F8: variants seen among roughly 807,000 people sequenced by gnomAD.
F8 encodes antihemophilic factor.
In F8, 12 loss-of-function variants were observed where a neutral mutation model predicts 140.6. That is an observed-to-expected ratio of 0.09 (90% CI 0.05 to 0.14). The LOEUF (loss-of-function observed/expected upper bound fraction) is 0.14. Among genes scored for constraint, F8 ranks in the 10% least tolerant of loss-of-function variants. F8 has a pLI of 1.00. For synonymous variants in F8, 585 were observed against 614.6 expected, an observed-to-expected ratio of 0.95 and a Z score of 0.71; for missense variants, 1,354 against 1,720.7, an observed-to-expected ratio of 0.79 and a Z score of 3.77.
intron 14 of F8, among the ~76,000 whole-genome samples, chrX:154,907,588 A>G (rs2073044854): frequency 8.9e-6 from 1 of 112,008 alleles, no homozygotes; most frequent in African/African-American, 3.2e-5. Flanking sequence ...ATTATTACAA[A>G]TATCTGGTAT....
chrX:154,848,146 A>G (rs1457067382), intron 25 of F8, among the ~76,000 whole-genome samples: 3 of 112,614 alleles, frequency 2.7e-5, no homozygotes, highest in Admixed American at 1.9e-4. Context: ...TTCCTCTGGA[A>G]GCTTGGTCTC....
chrX:155,005,907 C>T (rs1157534203), intron 1 of F8, among the ~76,000 whole-genome samples: 2 of 111,607 alleles, frequency 1.8e-5, no homozygotes, highest in Non-Finnish European at 3.8e-5. Flanking sequence ...GTGGGACTGA[C>T]CTTTATTCAG....
At chrX:154,841,720 A>G (rs782244425) in intron 25 of F8, among the ~76,000 whole-genome samples, 1 of 111,287 alleles carries the variant, frequency 9.0e-6, no homozygotes, top group East Asian at 2.8e-4. Flanking sequence ...GCCAATATGT[A>G]TAATCCTTCA....
chrX:154,904,318 A>T lies in F8; in HGVS notation c.5793T>A (p.Phe1931Leu), dbSNP rs868969692. The change falls in exon 17 of 26, where the codon TTT (phenylalanine) becomes TTA (leucine). Residue 1931 changes from phenylalanine to leucine, a missense_variant. Phe to Leu is a conservative substitution (Grantham distance 22). Around this residue, in one of 4 missense-constraint regions of F8, gnomAD observed 316 missense variants for 485.4 expected, o/e 0.65. Coordinates refer to ENST00000360256, the MANE Select transcript of F8 (RefSeq NM_000132.4). ...TACCATGGAAGCGATAATTCTCTTT[A>T]AAAGTGGGATCTTCCATCTGGATAT... ...PCNIQMEDPTFKENYRFHAIN... is the reference protein window; with the variant it reads ...PCNIQMEDPTLKENYRFHAIN... 5 of 1,207,703 alleles carry T rather than the reference A, an allele frequency of 4.1e-6. No homozygotes were observed. Among genetic ancestry groups the T allele is most frequent in the Non-Finnish European group, 5.6e-6 (5 of 892,795 alleles).
At position 154,927,769 on chromosome X, in the gene F8, G is replaced by T. The variant is rs2073168365; in HGVS notation, c.5219+802C>A. On this transcript the variant is annotated intron_variant, in intron 14 of 25. Transcript: ENST00000360256. The stretch of plus-strand genomic sequence containing the variant: ...TGTCCCTTCTTGTTCCTCAAACATG[G>T]TAAACTTTTTCCATTCTCAGGGCCT... 4.5e-5 allele frequency among the ~76,000 whole-genome samples: 5 copies of T among 111,385 alleles called. 1 individual carries two copies. The South Asian group carries it at 1.9e-3, about 42-fold the overall frequency.
intron 21 of F8, among the ~76,000 whole-genome samples, chrX:154,898,999 G>T (rs1174646673): frequency 1.8e-5 from 2 of 111,903 alleles, no homozygotes; most frequent in Non-Finnish European, 3.8e-5. Flanking sequence ...CAGACACAGG[G>T]TGGCCAAATA....
intron 25 of F8, among the ~76,000 whole-genome samples, chrX:154,843,244 G>C (rs113942642): frequency 9.0e-6 from 1 of 111,373 alleles, no homozygotes; most frequent in Non-Finnish European, 1.9e-5. Flanking sequence ...GAATAGTGCC[G>C]CAATAAACAT....
At chrX:154,919,718 C>T (rs2073118904) in intron 14 of F8, 6 of 354,700 alleles carry the variant, frequency 1.7e-5, no homozygotes, top group Non-Finnish European at 2.9e-5. Flanking sequence ...TATCCCAGGG[C>T]TCTCTATTAC....
intron 25 of F8, among the ~76,000 whole-genome samples, chrX:154,848,318 G>A (rs1173768700): frequency 8.9e-6 from 1 of 112,796 alleles, no homozygotes; most frequent in Non-Finnish European, 1.9e-5. Flanking sequence ...AAAGCTGTCA[G>A]ACAGGGACAT....
chrX:154,860,359 T>A, intron 25 of F8, 73 bp downstream of exon 25: 2 of 1,125,403 alleles, frequency 1.8e-6, no homozygotes, highest in Non-Finnish European at 2.4e-6. Context: ...TCAACCTTTT[T>A]ATGTTATGTT....
intron 25 of F8, among the ~76,000 whole-genome samples, chrX:154,839,224 TCA>T (rs1790991607): frequency 9.1e-6 from 1 of 109,747 alleles, no homozygotes; most frequent in African/African-American, 3.3e-5. Context: ...CCTTCGGGTC[TCA>T]GTTTAAATAC....
chrX:154,942,671 G>A (rs1485413124), intron 13 of F8, among the ~76,000 whole-genome samples: 2 of 111,078 alleles, frequency 1.8e-5, no homozygotes, highest in African/African-American at 6.6e-5. Flanking sequence ...ATTTTATGAG[G>A]CCAGCATCAT....
chrX:154,982,724 G>A (rs1346163789), intron 6 of F8, among the ~76,000 whole-genome samples: 2 of 110,838 alleles, frequency 1.8e-5, no homozygotes, highest in Admixed American at 9.6e-5. Flanking sequence ...GAGCTCGAGT[G>A]CTGCAGGCAT....
intron 14 of F8, among the ~76,000 whole-genome samples, chrX:154,918,487 G>A (rs1170037911): frequency 9.0e-6 from 1 of 110,660 alleles, no homozygotes; most frequent in Non-Finnish European, 1.9e-5. Flanking sequence ...TGGGAAAGCT[G>A]GCTCTTCATC....
At chrX:154,925,411 T>C (rs921697522) in intron 14 of F8, among the ~76,000 whole-genome samples, 34 of 111,762 alleles carry the variant, frequency 3.0e-4, no homozygotes, top group African/African-American at 1.1e-3. Context: ...GCCACCGTCC[T>C]CCAGACCCCG....
intron 6 of F8, among the ~76,000 whole-genome samples, chrX:154,981,493 A>C (rs2073520651): frequency 9.2e-6 from 1 of 108,980 alleles, no homozygotes; most frequent in Admixed American, 1.0e-4. Context: ...CTTATAATTC[A>C]GCAGTCAGCA....
chrX:154,993,970 C>T (rs782181944), intron 3 of F8, among the ~76,000 whole-genome samples: 2 of 112,372 alleles, frequency 1.8e-5, no homozygotes, highest in East Asian at 5.6e-4. Flanking sequence ...CTTTACCAGA[C>T]TCAGCTACAA....
intron 25 of F8, among the ~76,000 whole-genome samples, chrX:154,843,294 C>A (rs1452317685): frequency 4.5e-5 from 5 of 111,826 alleles, no homozygotes; most frequent in African/African-American, 6.5e-5. Flanking sequence ...ATTTATAATC[C>A]TTTGGGTACA....
At chrX:154,844,442 T>G (rs1174339832) in intron 25 of F8, among the ~76,000 whole-genome samples, 1 of 111,687 alleles carries the variant, frequency 9.0e-6, no homozygotes, top group African/African-American at 3.3e-5. Flanking sequence ...GTTCTTCCAT[T>G]TGTTTGTATC....
Sources: allele counts gnomAD v4.1 joint callset (sites outside exome capture counted in the v4.1 genomes callset), GRCh38; gene constraint gnomAD v4.1.1; regional missense constraint gnomAD v4.1.1; transcripts MANE v1.5; gene names NCBI Gene and HGNC (gene_info 2026-07-23, HGNC 2026-07-21).